EDA: variants seen among roughly 807,000 people sequenced by gnomAD.
EDA encodes the protein ectodysplasin-A.
In EDA, 2 loss-of-function variants were observed where a neutral mutation model predicts 23.6. The ratio of observed to expected loss-of-function variants is 0.08; its 90% CI spans 0.03 to 0.27. The LOEUF (loss-of-function observed/expected upper bound fraction) is 0.27. EDA is among the 10% of genes least tolerant of loss of function. The pLI is 1.00. For missense variants in EDA, 229 were observed against 324.2 expected (o/e 0.71, Z 2.26); for synonymous variants, 131 against 132.0 (o/e 0.99, Z 0.05).
chrX:70,035,606 C>T lies in EDA; in HGVS notation c.1173C>T (p.Ser391=). 1 of 1,207,449 alleles carries T rather than the reference C, an allele frequency of 8.3e-7. No homozygotes were observed. The highest frequency in any genetic ancestry group is 1.8e-5 in the African/African-American group (1 of 56,572). Residue 391 remains serine (S), a synonymous_variant, in exon 8 of 8, where the codon TCC becomes TCT. Coordinates refer to ENST00000374552, the MANE Select transcript of EDA (RefSeq NM_001399.5). ...TCAGGCTGGGTGAAGCCCCTGCATCCTAGATTCCCCCCATTTTGCCTCTGT... is the reference window on the plus strand; with the variant it reads ...TCAGGCTGGGTGAAGCCCCTGCATCTTAGATTCCCCCCATTTTGCCTCTGT... ...GAIRLGEAPA[S]
chrX:69,668,202 T>C (rs1933754473), intron 1 of EDA, among the ~76,000 whole-genome samples: 1 of 112,432 alleles, frequency 8.9e-6, no homozygotes, highest in African/African-American at 3.2e-5. Flanking sequence ...TCTCAAGATA[T>C]TTTCAAATTG....
rs1556026049 is a variant in EDA at position 69,888,978 on chromosome X, T to TATATA, written c.397-68049_397-68048insATATA. On this transcript the variant is annotated intron_variant, in intron 1 of 7. Coordinates refer to ENST00000374552, the MANE Select transcript of EDA (RefSeq NM_001399.5). ...GTGGAATTGTTGTATTGTGGGGTAG[T>TATATA]TATATATATATATATATATATATAT... is the stretch of plus-strand genomic sequence containing the variant. 4.2e-3 allele frequency among the ~76,000 whole-genome samples: 68 copies of TATATA among 16,009 alleles called. 5 individuals are homozygous for TATATA. Among genetic ancestry groups the TATATA allele is most frequent in the South Asian group, 0.023 (4 of 175 alleles). 13.9% of individuals were successfully genotyped at this position (16,009 alleles called of 115,157 possible). A position where few individuals can be genotyped will look rare whatever the true frequency, so the allele number is the denominator to read the frequency against.
At chrX:69,633,544 C>T (rs1932683802) in intron 1 of EDA, among the ~76,000 whole-genome samples, 1 of 111,986 alleles carries the variant, frequency 8.9e-6, no homozygotes, top group Non-Finnish European at 1.9e-5. Flanking sequence ...CTATCAACCA[C>T]TAATCTACTT....
intron 1 of EDA, among the ~76,000 whole-genome samples, chrX:69,816,774 T>C (rs1204734274): frequency 9.0e-6 from 1 of 110,603 alleles, no homozygotes; most frequent in Non-Finnish European, 1.9e-5. Context: ...GAACCAACTT[T>C]TAAAACATAC....
At chrX:69,827,951 T>A (rs1181734096) in intron 1 of EDA, among the ~76,000 whole-genome samples, 3 of 111,001 alleles carry the variant, frequency 2.7e-5, no homozygotes, top group Non-Finnish European at 3.8e-5. Flanking sequence ...CTGTTGGAGT[T>A]CCTGGCCGTG....
intron 1 of EDA, among the ~76,000 whole-genome samples, chrX:69,830,123 C>G (rs1050659607): frequency 2.7e-5 from 3 of 111,370 alleles, no homozygotes; most frequent in African/African-American, 9.8e-5. Flanking sequence ...CATCTTGCTT[C>G]TTCCCCATGC....
intron 1 of EDA, among the ~76,000 whole-genome samples, chrX:69,680,855 C>G (rs1284753474): frequency 9.7e-6 from 1 of 103,223 alleles, no homozygotes; most frequent in Non-Finnish European, 2.0e-5. Context: ...TGAATTTGAT[C>G]CTGTCATTAT....
chrX:69,906,976 A>G (rs1035729872), intron 1 of EDA, among the ~76,000 whole-genome samples: 7 of 112,070 alleles, frequency 6.2e-5, no homozygotes, highest in Non-Finnish European at 9.4e-5. Context: ...AATTCAAGCA[A>G]GGAATTGCTA....
At chrX:69,669,645 A>C (rs1174573716) in intron 1 of EDA, among the ~76,000 whole-genome samples, 1 of 111,536 alleles carries the variant, frequency 9.0e-6, no homozygotes, top group Non-Finnish European at 1.9e-5. Flanking sequence ...AGTTATTGTT[A>C]ACCATCTTTT....
intron 2 of EDA, among the ~76,000 whole-genome samples, chrX:69,968,616 C>A (rs993998870): frequency 8.9e-6 from 1 of 111,978 alleles, no homozygotes; most frequent in African/African-American, 3.2e-5. Flanking sequence ...TCTCCGCTAG[C>A]CTCCATACAC....
rs572799489 is a variant in EDA at position 69,873,093 on chromosome X, A to T, written c.397-83934A>T. Among the ~76,000 whole-genome samples, 7 of 111,973 alleles carry T rather than the reference A, an allele frequency of 6.3e-5. No individual in the cohort carries two copies. In the South Asian group the frequency reaches 2.3e-3, roughly 36 times the overall value. The stretch of plus-strand genomic sequence containing the variant: ...AAATTGGAAAGCAACTCCAAAAGCA[A>T]CCCTCAAAACCATGCAAATACATGG... On this transcript the variant is annotated intron_variant, in intron 1 of 7. Transcript: ENST00000374552.
chrX:69,886,347 G>A (rs189557030), intron 1 of EDA, among the ~76,000 whole-genome samples: 157 of 111,532 alleles, frequency 1.4e-3, no homozygotes, highest in African/African-American at 4.8e-3. Context: ...AAATGGCCCC[G>A]TTATTTGGCT....
At chrX:69,742,359 T>A (rs1164304761) in intron 1 of EDA, among the ~76,000 whole-genome samples, 1 of 111,486 alleles carries the variant, frequency 9.0e-6, no homozygotes, top group Non-Finnish European at 1.9e-5. Context: ...TTGGCTGTAA[T>A]TGCCCAAAGT....
intron 2 of EDA, among the ~76,000 whole-genome samples, chrX:69,963,385 TGAGAGCGATAGAGTTTCA>T (rs2019129461): frequency 8.9e-6 from 1 of 111,752 alleles, no homozygotes; most frequent in Non-Finnish European, 1.9e-5. Context: ...AAAATCATTT[TGAGAGCGATAGAGTTTCA>T]GGGGCTTGTT....
chrX:69,795,641 T>C (rs750871223), intron 1 of EDA, among the ~76,000 whole-genome samples: 1 of 112,970 alleles, frequency 8.9e-6, no homozygotes, highest in Non-Finnish European at 1.9e-5. Context: ...ACTACTGCCA[T>C]CAGGGCTAAG....
chrX:69,830,533 G>A (rs894420603), intron 1 of EDA, among the ~76,000 whole-genome samples: 1 of 111,536 alleles, frequency 9.0e-6, no homozygotes, highest in Non-Finnish European at 1.9e-5. Context: ...TCCATAAATA[G>A]TATTTGCATA....
chrX:69,751,922 A>G (rs975307820), intron 1 of EDA, among the ~76,000 whole-genome samples: 2 of 109,482 alleles, frequency 1.8e-5, no homozygotes, highest in East Asian at 5.8e-4. Context: ...TTGCACATTG[A>G]TTTTGTATCC....
At chrX:69,735,180 A>G (rs1330658617) in intron 1 of EDA, among the ~76,000 whole-genome samples, 1 of 109,783 alleles carries the variant, frequency 9.1e-6, no homozygotes, top group African/African-American at 3.3e-5. Flanking sequence ...GTATACACAC[A>G]TGCATACACA....
intron 2 of EDA, among the ~76,000 whole-genome samples, chrX:69,987,753 G>T (rs1220368378): frequency 9.0e-6 from 1 of 111,530 alleles, no homozygotes; most frequent in Admixed American, 9.5e-5. Context: ...CTACCCAGAA[G>T]TTAAGATTCT....
Sources: allele counts gnomAD v4.1 joint callset (sites outside exome capture counted in the v4.1 genomes callset), GRCh38; gene constraint gnomAD v4.1.1; transcripts MANE v1.5; gene names NCBI Gene and HGNC (gene_info 2026-07-23, HGNC 2026-07-21).